The following SHC4 variants were observed in gnomAD, a reference collection of about 807,000 sequenced individuals.
SHC4 encodes the protein SHC-transforming protein 4.
Under a neutral mutation model 69.4 loss-of-function variants are expected in SHC4, and 41 were observed. The ratio of observed to expected loss-of-function variants is 0.59; its 90% CI spans 0.46 to 0.77. The LOEUF (loss-of-function observed/expected upper bound fraction) is 0.77. Ranked by LOEUF, SHC4 falls within the 30% of genes least tolerant of loss-of-function variation. SHC4 has a pLI of 0.00. For missense variants in SHC4, 777 were observed against 783.8 expected, an observed-to-expected ratio of 0.99 and a Z score of 0.10; for synonymous variants, 318 against 299.3, an observed-to-expected ratio of 1.06 and a Z score of -0.64.
chr15:48,870,580 T>G (rs1213168813), intron 5 of SHC4, among the ~76,000 whole-genome samples: 1 of 152,124 alleles, frequency 6.6e-6, no homozygotes, highest in Non-Finnish European at 1.5e-5. Flanking sequence ...AAACAAGGGT[T>G]TGAAATCCTG....
chr15:48,843,263 T>C lies in SHC4; in HGVS notation c.1483+146A>G, dbSNP rs1013556134. On this transcript the variant is annotated intron_variant, in intron 10 of 11. Transcript: ENST00000332408. ...AAGAGAAGCATAAAATGGATTCTCT[T>C]CCAGAGGTCCTAGAAGGAACCAACC... The C allele has an allele frequency of 6.9e-6, 5 of 726,714 alleles. No homozygotes were observed. In the East Asian group the frequency reaches 1.0e-4, roughly 15 times the overall value. The allele number at this position is 726,714 out of a possible 1,614,324, so 45.0% of individuals were successfully genotyped here. A position where few individuals can be genotyped will look rare whatever the true frequency, so the allele number is the denominator to read the frequency against.
chr15:48,834,639 C>G, intron 11 of SHC4, 130 bp downstream of exon 11: 2 of 1,340,472 alleles, frequency 1.5e-6, no homozygotes, highest in Non-Finnish European at 2.0e-6. Context: ...TGTCCTGCTC[C>G]AGCTGGAAGG....
intron 1 of SHC4, among the ~76,000 whole-genome samples, chr15:48,944,547 G>A (rs1901239054): frequency 6.6e-6 from 1 of 152,154 alleles, no homozygotes; most frequent in Admixed American, 6.5e-5. Flanking sequence ...CATGTGTTAA[G>A]GATGGCCAAA....
intron 9 of SHC4, among the ~76,000 whole-genome samples, chr15:48,848,920 T>C (rs184482860): frequency 6.8e-4 from 103 of 151,782 alleles, no homozygotes; most frequent in African/African-American, 2.3e-3. Flanking sequence ...TATTGTGATT[T>C]AGCCCATTCA....
chr15:48,897,846 G>C (rs537357608), intron 2 of SHC4, among the ~76,000 whole-genome samples: 10 of 151,908 alleles, frequency 6.6e-5, no homozygotes, highest in African/African-American at 9.7e-5. Context: ...ATAGGAATGA[G>C]AATAAAATTT....
At chr15:48,876,268 A>G (rs1899796667) in intron 4 of SHC4, among the ~76,000 whole-genome samples, 1 of 152,204 alleles carries the variant, frequency 6.6e-6, no homozygotes, top group Non-Finnish European at 1.5e-5. Flanking sequence ...TGACAAATGA[A>G]CACTGGGATT....
intron 11 of SHC4, among the ~76,000 whole-genome samples, chr15:48,827,351 A>G (rs1414848479): frequency 6.6e-6 from 1 of 152,234 alleles, no homozygotes; most frequent in Non-Finnish European, 1.5e-5. Flanking sequence ...ATGGAAGAGA[A>G]TATCTCTGTT....
intron 1 of SHC4, among the ~76,000 whole-genome samples, chr15:48,941,592 A>G (rs1901175707): frequency 6.6e-6 from 1 of 152,148 alleles, no homozygotes; most frequent in Non-Finnish European, 1.5e-5. Context: ...GTCCCTGGGG[A>G]GGCAGGAGTG....
chr15:48,901,857 A>G (rs1301599524), intron 2 of SHC4, among the ~76,000 whole-genome samples: 1 of 152,212 alleles, frequency 6.6e-6, no homozygotes, highest in Non-Finnish European at 1.5e-5. Flanking sequence ...GTACCTCAGT[A>G]AATGCTAGCC....
chr15:48,863,036 T>C (rs1232563257), intron 6 of SHC4, among the ~76,000 whole-genome samples: 1 of 123,490 alleles, frequency 8.1e-6, no homozygotes, highest in Admixed American at 9.1e-5. Flanking sequence ...TGGGCTTCTC[T>C]TGTCTGCCAT....
intron 1 of SHC4, among the ~76,000 whole-genome samples, chr15:48,952,362 T>C (rs1382144053): frequency 2.0e-5 from 3 of 152,310 alleles, no homozygotes; most frequent in African/African-American, 7.2e-5. Context: ...TCTTAAAATT[T>C]ACTTGTAAAT....
intron 9 of SHC4, among the ~76,000 whole-genome samples, chr15:48,845,709 A>T (rs1440401303): frequency 6.6e-6 from 1 of 151,968 alleles, no homozygotes; most frequent in African/African-American, 2.4e-5. Context: ...GTAGATTTAC[A>T]TCTATTTTCT....
At chr15:48,914,444 C>T (rs1403562596) in intron 2 of SHC4, among the ~76,000 whole-genome samples, 1 of 152,182 alleles carries the variant, frequency 6.6e-6, no homozygotes, top group African/African-American at 2.4e-5. Context: ...AAGCTCTGTG[C>T]AGTGTTAACA....
chr15:48,862,555 G>A (rs902410779), intron 6 of SHC4, among the ~76,000 whole-genome samples: 43 of 152,190 alleles, frequency 2.8e-4, no homozygotes, highest in African/African-American at 8.9e-4. Context: ...AAAAGGAAGA[G>A]TGGGAAGCTT....
chr15:48,876,047 A>C (rs111657096), intron 4 of SHC4, among the ~76,000 whole-genome samples: 1,728 of 152,304 alleles, frequency 0.011, 12 homozygotes, highest in Non-Finnish European at 0.016. Context: ...TTTTTGAGTT[A>C]AGAGAGCTGC....
intron 2 of SHC4, among the ~76,000 whole-genome samples, chr15:48,923,375 A>AC (rs1275658839): frequency 6.6e-6 from 1 of 151,950 alleles, no homozygotes; most frequent in Non-Finnish European, 1.5e-5. Flanking sequence ...ACATAGTGAA[A>AC]CCCCATCTCT....
In SHC4 at chr15:48,825,602, C is replaced by T. The variant is rs1898673251; in HGVS notation, c.*369G>A. ...TTAATCTCCCAATATGAAAATGTCC[C>T]CCAAATTATCAAGTTGAAAGGCACA... On this transcript the variant is annotated 3_prime_UTR_variant, in exon 12 of 12. Coordinates refer to ENST00000332408, the MANE Select transcript of SHC4 (RefSeq NM_203349.4). 6.0e-6 allele frequency: 1 copy of T among 166,674 alleles called. No homozygotes were observed. Among genetic ancestry groups the T allele is most frequent in the South Asian group, 1.8e-4 (1 of 5,426 alleles). The allele number at this position is 166,674 out of a possible 1,614,324, so 10.3% of individuals were successfully genotyped here.
At chr15:48,846,233 T>G (rs1409272486) in intron 9 of SHC4, among the ~76,000 whole-genome samples, 1 of 152,124 alleles carries the variant, frequency 6.6e-6, no homozygotes, top group Non-Finnish European at 1.5e-5. Context: ...ATCTGAGCGG[T>G]CTGGGATGAG....
In SHC4 at chr15:48,828,111, GTGTGTATA is replaced by G. The variant is rs764156430; in HGVS notation, c.1738-1993_1738-1986del. On this transcript the variant is annotated intron_variant, in intron 11 of 11. Transcript: ENST00000332408. The stretch of plus-strand genomic sequence containing the variant: ...TGTATGTATGTGTGTGTGTGTGTGT[GTGTGTATA>G]TATATATATATATATACATCTGTTA... 3.0e-3 allele frequency among the ~76,000 whole-genome samples: 155 copies of G among 52,234 alleles called. No individual in the cohort carries two copies. In the South Asian group the frequency reaches 0.034, roughly 11 times the overall value. 34.3% of individuals were successfully genotyped at this position (52,234 alleles called of 152,430 possible). A position where few individuals can be genotyped will look rare whatever the true frequency, so the allele number is the denominator to read the frequency against.
Sources: gnomAD v4.1 joint callset for allele counts (sites outside exome capture counted in the v4.1 genomes callset) on GRCh38, gnomAD v4.1.1 for gene constraint, MANE v1.5 for transcripts, NCBI Gene and HGNC (gene_info 2026-07-23, HGNC 2026-07-21) for gene names.